EXT1: variants seen among roughly 807,000 people sequenced by gnomAD.
EXT1 encodes exostosin glycosyltransferase 1, also known as exostosin-1.
In EXT1, 20 loss-of-function variants were observed where a neutral mutation model predicts 82.5. The ratio of observed to expected loss-of-function variants is 0.24; its 90% confidence interval spans 0.17 to 0.35. The LOEUF is 0.35. Ranked by LOEUF, EXT1 falls within the 10% of genes least tolerant of loss-of-function variation. The probability of loss-of-function intolerance (pLI) is 1.00; values close to 1 mark genes in which losing one functional copy is unlikely to be tolerated. For synonymous variants in EXT1, 348 were observed against 350.8 expected, an observed-to-expected ratio of 0.99 and a Z score of 0.09; for missense variants, 757 against 936.5, an observed-to-expected ratio of 0.81 and a Z score of 2.50.
chr8:117,908,695 C>G (rs192763432), intron 1 of EXT1, among the ~76,000 whole-genome samples: 1 of 152,108 alleles, frequency 6.6e-6, no homozygotes, highest in Admixed American at 6.5e-5. Context: ...CACAAAACAA[C>G]TTGGAACTAG....
At chr8:118,060,488 T>C (rs956043951) in intron 1 of EXT1, among the ~76,000 whole-genome samples, 3 of 152,156 alleles carry the variant, frequency 2.0e-5, no homozygotes, top group African/African-American at 7.2e-5. Context: ...TCATAACATC[T>C]ACCTGGGCCC....
chr8:117,810,228 T>A, intron 8 of EXT1, among the ~76,000 whole-genome samples: 1 of 152,136 alleles, frequency 6.6e-6, no homozygotes, highest in East Asian at 1.9e-4. Context: ...TAAAAATCCA[T>A]CCTTAATGCT....
intron 1 of EXT1, among the ~76,000 whole-genome samples, chr8:117,853,253 G>T (rs930618988): frequency 2.0e-5 from 3 of 152,170 alleles, no homozygotes; most frequent in African/African-American, 7.2e-5. Flanking sequence ...ATTAAAGACT[G>T]GATGTCTGAG....
In EXT1 at chr8:117,966,013, T is replaced by C. The variant is rs74561033; in HGVS notation, c.963-128812A>G. 8.5e-3 allele frequency among the ~76,000 whole-genome samples: 1,148 copies of C among 134,716 alleles called. 4 individuals are homozygous for C. The highest frequency in any genetic ancestry group is 0.035 in the Middle Eastern group (9 of 256). The allele number at this position is 134,716 out of a possible 152,430, so 88.4% of individuals were successfully genotyped here. A position where few individuals can be genotyped will look rare whatever the true frequency, so the allele number is the denominator to read the frequency against. On this transcript the variant is annotated intron_variant, in intron 1 of 10. Coordinates refer to ENST00000378204, the MANE Select transcript of EXT1 (RefSeq NM_000127.3). ...GCATATACACACACACACACACACA[T>C]ATATACACACGCACATATACATATA...
intron 1 of EXT1, among the ~76,000 whole-genome samples, chr8:118,038,046 G>C (rs569789535): frequency 6.6e-6 from 1 of 151,884 alleles, no homozygotes; most frequent in African/African-American, 2.4e-5. Context: ...GGGTAGTCTC[G>C]AACTCCTGAC....
At chr8:117,835,833 G>A (rs1484064496) in intron 2 of EXT1, among the ~76,000 whole-genome samples, 1 of 152,152 alleles carries the variant, frequency 6.6e-6, no homozygotes, top group Non-Finnish European at 1.5e-5. Context: ...CCATAGAGAC[G>A]ACTGGCCTTG....
At chr8:117,904,180 A>G (rs1005293924) in intron 1 of EXT1, among the ~76,000 whole-genome samples, 1 of 152,258 alleles carries the variant, frequency 6.6e-6, no homozygotes, top group Admixed American at 6.5e-5. Flanking sequence ...AACTTCTCAA[A>G]TATGAAACTT....
chr8:117,803,872 T>C (rs1461496765), intron 10 of EXT1, among the ~76,000 whole-genome samples: 1 of 152,218 alleles, frequency 6.6e-6, no homozygotes, highest in Non-Finnish European at 1.5e-5. Flanking sequence ...ATGTTAAAGA[T>C]GAGCCAACTG....
intron 1 of EXT1, among the ~76,000 whole-genome samples, chr8:117,982,275 T>G (rs1815224636): frequency 6.6e-6 from 1 of 152,136 alleles, no homozygotes; most frequent in South Asian, 2.1e-4. Flanking sequence ...TTCCTGCCCA[T>G]CAGTCAGGGT....
At chr8:118,094,650 T>C (rs559116447) in intron 1 of EXT1, among the ~76,000 whole-genome samples, 140 of 152,334 alleles carry the variant, frequency 9.2e-4, no homozygotes, top group Admixed American at 2.0e-3. Context: ...AAGTTGAAAT[T>C]GTTATCTCCA....
chr8:118,016,017 C>T (rs1815996269), intron 1 of EXT1, among the ~76,000 whole-genome samples: 1 of 152,200 alleles, frequency 6.6e-6, no homozygotes, highest in Non-Finnish European at 1.5e-5. Flanking sequence ...CTATAGGCTT[C>T]CAAGGGAGCA....
chr8:118,006,289 T>C (rs1407970815), intron 1 of EXT1, among the ~76,000 whole-genome samples: 1 of 152,164 alleles, frequency 6.6e-6, no homozygotes, highest in African/African-American at 2.4e-5. Flanking sequence ...CCTTTCCTGC[T>C]TCTGTTTGGA....
chr8:117,991,958 C>T (rs571368940), intron 1 of EXT1, among the ~76,000 whole-genome samples: 15 of 152,288 alleles, frequency 9.8e-5, no homozygotes, highest in African/African-American at 3.6e-4. Flanking sequence ...AGTCTACTAC[C>T]ATCAGGGTCA....
Position 117,810,378 on chromosome 8 carries a change from G to C in EXT1, c.1722+2494C>G, listed in dbSNP as rs74499364. Among the ~76,000 whole-genome samples the C allele has an allele frequency of 4.4e-3, 672 of 152,242 alleles. 6 individuals carry two copies. Among genetic ancestry groups the C allele is most frequent in the Non-Finnish European group, 6.3e-3 (430 of 68,020 alleles). On this transcript the variant is annotated intron_variant, in intron 8 of 10. Coordinates refer to ENST00000378204, the MANE Select transcript of EXT1 (RefSeq NM_000127.3). Reference sequence around the variant, plus strand: ...AACACAACCACTCCACTGATCAGCAGGCAAAAGCAAACCAGACTGCCAGCC... The same window carrying C: ...AACACAACCACTCCACTGATCAGCACGCAAAAGCAAACCAGACTGCCAGCC...
chr8:118,044,917 C>T (rs1260766420), intron 1 of EXT1, among the ~76,000 whole-genome samples: 1 of 152,200 alleles, frequency 6.6e-6, no homozygotes, highest in Non-Finnish European at 1.5e-5. Flanking sequence ...CGTTGACTAG[C>T]TGTGACAGAG....
At chr8:117,996,470 T>G (rs1435160461) in intron 1 of EXT1, among the ~76,000 whole-genome samples, 1 of 152,228 alleles carries the variant, frequency 6.6e-6, no homozygotes, top group Non-Finnish European at 1.5e-5. Context: ...CACAGAAAGT[T>G]CTACCAGACA....
intron 1 of EXT1, among the ~76,000 whole-genome samples, chr8:117,953,572 G>C (rs1042819078): frequency 8.6e-5 from 13 of 151,822 alleles, no homozygotes; most frequent in African/African-American, 3.1e-4. Flanking sequence ...GACTCAATGT[G>C]CCAAACAACC....
intron 1 of EXT1, among the ~76,000 whole-genome samples, chr8:117,860,227 A>G (rs1413330476): frequency 6.6e-6 from 1 of 151,782 alleles, no homozygotes; most frequent in Non-Finnish European, 1.5e-5. Flanking sequence ...GGAGGCCATT[A>G]TTCTAAGTGA....
chr8:118,025,801 A>G (rs1816191805), intron 1 of EXT1, among the ~76,000 whole-genome samples: 1 of 152,156 alleles, frequency 6.6e-6, no homozygotes, highest in Non-Finnish European at 1.5e-5. Context: ...AGTTTTGACA[A>G]TTATGAAACA....
Sources: allele counts gnomAD v4.1 joint callset (sites outside exome capture counted in the v4.1 genomes callset), GRCh38; gene constraint gnomAD v4.1.1; transcripts MANE v1.5; gene names NCBI Gene and HGNC (gene_info 2026-07-23, HGNC 2026-07-21).